NPEPPS: variants seen among roughly 807,000 people sequenced by gnomAD.
NPEPPS encodes aminopeptidase puromycin sensitive, also known as puromycin-sensitive aminopeptidase.
NPEPPS carries 14 observed loss-of-function variants against 115.5 expected under a neutral mutation model. The observed-to-expected ratio is 0.12, with a 90% CI of 0.08 to 0.19. The LOEUF (loss-of-function observed/expected upper bound fraction) is 0.19, where lower values mean the gene tolerates loss of function less well. NPEPPS is among the 10% of genes least tolerant of loss of function. The probability of loss-of-function intolerance (pLI) is 1.00; values close to 1 mark genes in which losing one functional copy is unlikely to be tolerated. For missense variants in NPEPPS, 523 were observed against 1,110.8 expected (o/e 0.47, Z 7.52); for synonymous variants, 285 against 390.6 (o/e 0.73, Z 3.19).
chr17:47,618,286 A>G (rs1914337013), intron 19 of NPEPPS, 64 bp from the exon 20 acceptor site: 3 of 1,070,462 alleles, frequency 2.8e-6, no homozygotes, highest in Non-Finnish European at 4.3e-6. Flanking sequence ...AGAAGCTCAT[A>G]TAATCATATG....
intron 3 of NPEPPS, among the ~76,000 whole-genome samples, chr17:47,576,525 A>G (rs1221297528): frequency 1.3e-5 from 2 of 152,220 alleles, no homozygotes; most frequent in East Asian, 3.9e-4. Context: ...CACAAAGGCA[A>G]CAACCTTTAT....
chr17:47,552,910 T>G (rs1909748682), intron 2 of NPEPPS, among the ~76,000 whole-genome samples: 1 of 152,118 alleles, frequency 6.6e-6, no homozygotes, highest in African/African-American at 2.4e-5. Context: ...GGTATCTACT[T>G]TAGGTAATAA....
At chr17:47,558,216 C>T (rs1910187292) in intron 2 of NPEPPS, among the ~76,000 whole-genome samples, 1 of 151,896 alleles carries the variant, frequency 6.6e-6, no homozygotes, top group South Asian at 2.1e-4. Flanking sequence ...CAACCTCCGC[C>T]TCCCAGGTTC....
intron 3 of NPEPPS, among the ~76,000 whole-genome samples, chr17:47,574,044 T>C (rs1175560731): frequency 6.6e-6 from 1 of 151,280 alleles, no homozygotes; most frequent in Non-Finnish European, 1.5e-5. Context: ...AGACTTGTTA[T>C]GGAAATTAGA....
chr17:47,548,242 A>G (rs767089346), intron 2 of NPEPPS: 23 of 152,240 alleles, frequency 1.5e-4, no homozygotes, highest in Admixed American at 4.6e-4. Flanking sequence ...ACTTAAGTTC[A>G]ATTGATTGTA....
intron 1 of NPEPPS, 110 bp from the exon 2 acceptor site, chr17:47,545,799 G>C: frequency 1.4e-6 from 2 of 1,472,564 alleles, no homozygotes; most frequent in Non-Finnish European, 1.8e-6. Flanking sequence ...CTCTTTGCTT[G>C]GCCTCCCAAA....
chr17:47,580,503 G>C (rs561483298), intron 4 of NPEPPS: 137 of 152,144 alleles, frequency 9.0e-4, no homozygotes, highest in African/African-American at 3.0e-3. Context: ...GATTTACTGG[G>C]TATATAGATT....
At chr17:47,592,953 G>A (rs1912606996) in intron 12 of NPEPPS, among the ~76,000 whole-genome samples, 1 of 151,946 alleles carries the variant, frequency 6.6e-6, no homozygotes, top group Non-Finnish European at 1.5e-5. Flanking sequence ...CCCGCCCTGT[G>A]TTCAAGTGTT....
intron 1 of NPEPPS, among the ~76,000 whole-genome samples, chr17:47,544,523 T>C (rs1173985516): frequency 6.7e-6 from 1 of 149,460 alleles, no homozygotes; most frequent in Middle Eastern, 3.2e-3. Context: ...TTTATTTATT[T>C]ATTTATTTAT....
chr17:47,584,659 T>A (rs562659640), intron 5 of NPEPPS, among the ~76,000 whole-genome samples: 1 of 152,256 alleles, frequency 6.6e-6, no homozygotes. Context: ...AGAGAGAGCT[T>A]GAGGAAACAG....
intron 1 of NPEPPS, among the ~76,000 whole-genome samples, chr17:47,524,349 G>A (rs370201522): frequency 6.6e-6 from 1 of 151,776 alleles, no homozygotes; most frequent in Non-Finnish European, 1.5e-5. Flanking sequence ...ACAGAGACAG[G>A]ATTTCACTCT....
chr17:47,585,957 T>C (rs1912150333), intron 6 of NPEPPS, 191 bp from the exon 7 acceptor site: 1 of 566,368 alleles, frequency 1.8e-6, no homozygotes, highest in Non-Finnish European at 3.1e-6. Flanking sequence ...CATATCAAGT[T>C]ATAAATGGAT....
intron 19 of NPEPPS, among the ~76,000 whole-genome samples, chr17:47,617,208 A>AT (rs1914262411): frequency 6.6e-6 from 1 of 151,996 alleles, no homozygotes; most frequent in Non-Finnish European, 1.5e-5. Context: ...TAGTAATTTT[A>AT]TTTTTTTCTT....
chr17:47,568,581 GTCTC>G (rs371266029), intron 2 of NPEPPS, among the ~76,000 whole-genome samples: 58,969 of 150,120 alleles, frequency 0.39, 12,169 homozygotes, highest in East Asian at 0.54. Flanking sequence ...CAAATAAGCA[GTCTC>G]TTCTCATTCC....
intron 4 of NPEPPS, 83 bp downstream of exon 4, chr17:47,579,594 A>C: frequency 6.8e-7 from 1 of 1,469,454 alleles, no homozygotes; most frequent in Non-Finnish European, 9.1e-7. Context: ...TGGGGTGATT[A>C]TTTGAGGCTA....
chr17:47,573,382 A>C (rs2143814858), intron 3 of NPEPPS, among the ~76,000 whole-genome samples: 1 of 152,280 alleles, frequency 6.6e-6, no homozygotes, highest in African/African-American at 2.4e-5. Flanking sequence ...TCAAAATACA[A>C]AGTGAATCTG....
chr17:47,530,363 T>G (rs1473029805), upstream of NPEPPS, among the ~76,000 whole-genome samples: 1 of 139,694 alleles, frequency 7.2e-6, no homozygotes, highest in Non-Finnish European at 1.6e-5. Flanking sequence ...TTTTTTTTTT[T>G]TTTTTTTTTT....
chr17:47,572,760 A>G (rs113627098), intron 3 of NPEPPS, among the ~76,000 whole-genome samples: 2 of 152,172 alleles, frequency 1.3e-5, no homozygotes, highest in African/African-American at 2.4e-5. Flanking sequence ...GAAAGCAGAG[A>G]AAATGGGAAG....
chr17:47,606,453 C>G (rs1364114541), intron 17 of NPEPPS, among the ~76,000 whole-genome samples: 2 of 149,148 alleles, frequency 1.3e-5, no homozygotes, highest in African/African-American at 5.0e-5. Flanking sequence ...AGCTCTATGT[C>G]TTGTCTTCTT....
Sources: gnomAD v4.1 joint callset for allele counts (sites outside exome capture counted in the v4.1 genomes callset) on GRCh38, gnomAD v4.1.1 for gene constraint, MANE v1.5 for transcripts, NCBI Gene and HGNC (gene_info 2026-07-23, HGNC 2026-07-21) for gene names.